Variants in EIPR1 observed in about 807,000 individuals in gnomAD.
EIPR1 encodes the protein EARP and GARP complex-interacting protein 1.
EIPR1 carries 25 observed loss-of-function variants against 48.1 expected under a neutral mutation model. The ratio of observed to expected loss-of-function variants is 0.52; its 90% confidence interval spans 0.38 to 0.73. EIPR1 has a LOEUF of 0.73. Among genes scored for constraint, EIPR1 ranks in the 30% least tolerant of loss-of-function variants. EIPR1 has a pLI of 0.00. For synonymous variants in EIPR1, 204 were observed against 201.9 expected (o/e 1.01, Z -0.09); for missense variants, 415 against 506.2 (o/e 0.82, Z 1.73).
chr2:3,209,067 G>T, intron 5 of EIPR1: 1 of 1,432,346 alleles, frequency 7.0e-7, no homozygotes, highest in Non-Finnish European at 9.1e-7. Context: ...CTGGTGGGAA[G>T]GCAGGGTGTA....
chr2:3,269,270 CACTCAGTCATGGCACTCAGTCATG>C (rs1667596905), intron 3 of EIPR1, among the ~76,000 whole-genome samples: 1 of 143,838 alleles, frequency 7.0e-6, no homozygotes, highest in Non-Finnish European at 1.5e-5. Flanking sequence ...TCAGTCATGG[CACTCAGTCATGGCACTCAGTCATG>C]GCACTCAGTC....
intron 4 of EIPR1, among the ~76,000 whole-genome samples, chr2:3,256,703 C>A (rs1019756675): frequency 2.0e-5 from 3 of 152,186 alleles, no homozygotes; most frequent in Admixed American, 6.5e-5. Context: ...TAATTTTTAC[C>A]AAGGCCTCAG....
chr2:3,375,210 TCA>T (rs1056803072), intron 1 of EIPR1, among the ~76,000 whole-genome samples: 2 of 121,374 alleles, frequency 1.6e-5, no homozygotes, highest in African/African-American at 6.4e-5. Context: ...AAGGGGAACA[TCA>T]CACTCTGGGG....
chr2:3,200,980 G>A (rs545894079), intron 5 of EIPR1, among the ~76,000 whole-genome samples: 4 of 152,280 alleles, frequency 2.6e-5, no homozygotes, highest in African/African-American at 4.8e-5. Flanking sequence ...GCAGCAGCTC[G>A]GACGCTGGAC....
At chr2:3,363,139 C>A (rs1276091721) in intron 1 of EIPR1, among the ~76,000 whole-genome samples, 3 of 151,814 alleles carry the variant, frequency 2.0e-5, no homozygotes, top group Non-Finnish European at 4.4e-5. Context: ...GCGATGGGGG[C>A]CGGGCCCAGC....
chr2:3,333,010 T>C (rs1296394526), intron 3 of EIPR1, among the ~76,000 whole-genome samples: 1 of 152,244 alleles, frequency 6.6e-6, no homozygotes, highest in Non-Finnish European at 1.5e-5. Flanking sequence ...TATCATTTTC[T>C]AAGACAGTGT....
Position 3,312,697 on chromosome 2 carries a change from T to C in EIPR1, c.259+25320A>G, listed in dbSNP as rs1669166126. On this transcript the variant is annotated intron_variant, in intron 3 of 8. Transcript: ENST00000382125. The surrounding 1 kb of genome is among the most constrained non-coding windows in gnomAD (Gnocchi z 5.5). Reference sequence around the variant, plus strand: ...CGGCGGGGTGGGGAAGAGCCTCCACTGGTCCCTTCAACGAGATCTTTGGTG... The same window carrying C: ...CGGCGGGGTGGGGAAGAGCCTCCACCGGTCCCTTCAACGAGATCTTTGGTG... 6.6e-6 allele frequency among the ~76,000 whole-genome samples: 1 copy of C among 152,168 alleles called. No homozygotes were observed. Among genetic ancestry groups the C allele is most frequent in the Admixed American group, 6.5e-5 (1 of 15,280 alleles).
chr2:3,310,632 G>A lies in EIPR1; in HGVS notation c.259+27385C>T, dbSNP rs1345634087. Among the ~76,000 whole-genome samples the A allele has an allele frequency of 9.1e-4, 113 of 123,754 alleles. 1 individual carries two copies. The highest frequency in any genetic ancestry group is 3.0e-3 in the African/African-American group (96 of 31,486). 81.2% of individuals were successfully genotyped at this position (123,754 alleles called of 152,430 possible). On this transcript the variant is annotated intron_variant, in intron 3 of 8. Coordinates refer to ENST00000382125, the MANE Select transcript of EIPR1 (RefSeq NM_003310.5). ...CCCGCCACTGCACTCCAGCCTGGGC[G>A]ACAGAGCCAGACTCCGTCTCAAAAA...
chr2:3,226,366 G>C (rs1396434119), intron 4 of EIPR1, among the ~76,000 whole-genome samples: 1 of 152,116 alleles, frequency 6.6e-6, no homozygotes, highest in Non-Finnish European at 1.5e-5. Flanking sequence ...TTTTTCTGAT[G>C]GTTAGTGACG....
intron 3 of EIPR1, among the ~76,000 whole-genome samples, chr2:3,317,507 G>C (rs888664372): frequency 2.2e-4 from 33 of 152,066 alleles, no homozygotes; most frequent in Admixed American, 7.2e-4. Flanking sequence ...ACGGAGTGCC[G>C]GGAGCGCATG....
At chr2:3,368,539 C>G (rs1032842747) in intron 1 of EIPR1, among the ~76,000 whole-genome samples, 9 of 152,198 alleles carry the variant, frequency 5.9e-5, no homozygotes, top group Admixed American at 5.2e-4. Flanking sequence ...AGAGCCACCA[C>G]TGCCTAGAGG....
At chr2:3,316,817 C>T (rs1669316852) in intron 3 of EIPR1, among the ~76,000 whole-genome samples, 1 of 152,266 alleles carries the variant, frequency 6.6e-6, no homozygotes, top group Non-Finnish European at 1.5e-5. Context: ...CCACACCTTC[C>T]CCAGCCACGC....
In EIPR1 at chr2:3,307,125, G is replaced by C. The variant is rs550786417; in HGVS notation, c.259+30892C>G. On this transcript the variant is annotated intron_variant, in intron 3 of 8. Coordinates refer to ENST00000382125, the MANE Select transcript of EIPR1 (RefSeq NM_003310.5). ...TTACAGGCGCCTGCCACCACACCCT[G>C]CTAATTTTTGTATTTTAGTAGAGAT... Among the ~76,000 whole-genome samples the C allele has an allele frequency of 4.6e-5, 7 of 152,058 alleles. No homozygotes were observed. In the East Asian group the frequency reaches 1.4e-3, roughly 29 times the overall value.
intron 2 of EIPR1, among the ~76,000 whole-genome samples, chr2:3,350,392 C>T (rs1282647231): frequency 4.6e-5 from 7 of 152,132 alleles, no homozygotes; most frequent in Admixed American, 1.3e-4. Context: ...GGGGAATCCA[C>T]GCCCATGATC....
intron 2 of EIPR1, among the ~76,000 whole-genome samples, chr2:3,345,247 T>C (rs1408019996): frequency 6.6e-6 from 1 of 152,026 alleles, no homozygotes; most frequent in Non-Finnish European, 1.5e-5. Flanking sequence ...GAGCTGCCTC[T>C]CACTCTAAAA....
At position 3,194,045 on chromosome 2, in the gene EIPR1, G is replaced by A. The variant is rs763398272; in HGVS notation, c.775C>T (p.Arg259Ter). Residue 259 changes from arginine (R) to a stop codon, truncating the protein, a stop_gained, in exon 7 of 9, where the codon CGA (arginine) becomes TGA (stop). Coordinates refer to ENST00000382125, the MANE Select transcript of EIPR1 (RefSeq NM_003310.5). LOFTEE classifies it high-confidence loss of function. ...GTCTTCACGGGTTCGGTGACATTTC[G>A]GGTGTCCCAGAACTTCACCTTACAG... Reference protein sequence around the residue: ...DDCKVKFWDTRNVTEPVKTLE... With the variant: ...DDCKVKFWDT 30 of 1,613,716 alleles carry A rather than the reference G, an allele frequency of 1.9e-5. No individual in the cohort carries two copies. The highest frequency in any genetic ancestry group is 1.8e-5 in the Non-Finnish European group (21 of 1,180,022).
intron 5 of EIPR1, among the ~76,000 whole-genome samples, chr2:3,202,094 C>T (rs1359585013): frequency 1.3e-5 from 2 of 152,090 alleles, no homozygotes; most frequent in African/African-American, 2.4e-5. Flanking sequence ...CCCGCCACCA[C>T]GCCCGGCTAA....
At chr2:3,265,646 G>A (rs1667463171) in intron 3 of EIPR1, among the ~76,000 whole-genome samples, 2 of 152,178 alleles carry the variant, frequency 1.3e-5, no homozygotes, top group South Asian at 4.1e-4. Context: ...CAGAGGGCAG[G>A]GCTCAAGGCT....
At chr2:3,354,149 T>A (rs1204244845) in intron 2 of EIPR1, among the ~76,000 whole-genome samples, 1 of 152,160 alleles carries the variant, frequency 6.6e-6, no homozygotes, top group Non-Finnish European at 1.5e-5. Flanking sequence ...TCAAGTGGCC[T>A]GGGTCAAGTA....
Sources: gnomAD v4.1 joint callset for allele counts (sites outside exome capture counted in the v4.1 genomes callset) on GRCh38, gnomAD v4.1.1 for gene constraint, Gnocchi (gnomAD v3.1) non-coding constraint, MANE v1.5 for transcripts, NCBI Gene and HGNC (gene_info 2026-07-23, HGNC 2026-07-21) for gene names.